DLG1: variants seen among roughly 807,000 people sequenced by gnomAD.
DLG1 encodes the protein discs large MAGUK scaffold protein 1.
Under a neutral mutation model 123.4 loss-of-function variants are expected in DLG1, and 42 were observed. The ratio of observed to expected loss-of-function variants is 0.34; its 90% CI spans 0.27 to 0.44. The LOEUF (loss-of-function observed/expected upper bound fraction) is 0.44. Among genes scored for constraint, DLG1 ranks in the 20% least tolerant of loss-of-function variants. The pLI is 1.00. For synonymous variants in DLG1, 317 were observed against 356.2 expected (o/e 0.89, Z 1.24); for missense variants, 942 against 1,082.6 (o/e 0.87, Z 1.82).
At chr3:197,178,981 G>A (rs1808626876) in intron 5 of DLG1, among the ~76,000 whole-genome samples, 1 of 152,180 alleles carries the variant, frequency 6.6e-6, no homozygotes, top group African/African-American at 2.4e-5. Flanking sequence ...GATTTCAGAA[G>A]TTCTTGAACA....
At chr3:197,162,444 A>G (rs1799178775) in intron 5 of DLG1, among the ~76,000 whole-genome samples, 1 of 152,180 alleles carries the variant, frequency 6.6e-6, no homozygotes, top group Non-Finnish European at 1.5e-5. Context: ...TATATGTAAG[A>G]AAAACACTAA....
chr3:197,259,737 A>C (rs1009918178), intron 4 of DLG1, among the ~76,000 whole-genome samples: 4 of 152,176 alleles, frequency 2.6e-5, no homozygotes, highest in African/African-American at 9.7e-5. Context: ...CAGACTTCAA[A>C]ACAAGTACTT....
rs115026050 is a variant in DLG1 at position 197,058,836 on chromosome 3, T to A, written c.2483+1053A>T. On this transcript the variant is annotated intron_variant, in intron 23 of 24. Coordinates refer to ENST00000667157, the MANE Select transcript of DLG1 (RefSeq NM_001366207.1). ...TTTCGCCCCTATGCAGCTGTCAATT[T>A]TTATTTTTTGTTTTGAGAATGCTAT... 6.3e-3 allele frequency among the ~76,000 whole-genome samples: 965 copies of A among 152,352 alleles called. 6 individuals are homozygous for A. The highest frequency in any genetic ancestry group is 0.022 in the African/African-American group (901 of 41,580).
intron 13 of DLG1, among the ~76,000 whole-genome samples, chr3:197,105,323 T>G (rs146224390): frequency 1.3e-5 from 2 of 152,270 alleles, no homozygotes; most frequent in East Asian, 3.9e-4. Flanking sequence ...AGTGGCATCA[T>G]TTTGCACACT....
intron 8 of DLG1, among the ~76,000 whole-genome samples, chr3:197,139,223 G>A (rs1786680574): frequency 1.3e-5 from 2 of 152,126 alleles, no homozygotes; most frequent in South Asian, 2.1e-4. Context: ...ATTGGGTAGA[G>A]AGGGTAAACA....
chr3:197,266,528 G>A (rs111437854), intron 4 of DLG1, among the ~76,000 whole-genome samples: 149 of 152,140 alleles, frequency 9.8e-4, no homozygotes, highest in Non-Finnish European at 1.8e-3. Flanking sequence ...CAGCAGGACT[G>A]CTTGAAGCCA....
chr3:197,158,858 C>A (rs1016456579), intron 5 of DLG1, among the ~76,000 whole-genome samples: 13 of 152,092 alleles, frequency 8.5e-5, no homozygotes, highest in Non-Finnish European at 1.6e-4. Flanking sequence ...GCTCTTAAAG[C>A]ATTTTCAACA....
intron 18 of DLG1, 127 bp from the exon 19 acceptor site, chr3:197,069,387 C>A: frequency 1.9e-6 from 1 of 523,664 alleles, no homozygotes; most frequent in Non-Finnish European, 3.2e-6. Flanking sequence ...TTTTCTTTTT[C>A]TTTGAAACGT....
intron 4 of DLG1, among the ~76,000 whole-genome samples, chr3:197,206,931 C>G (rs1728839765): frequency 6.6e-6 from 1 of 152,170 alleles, no homozygotes. Context: ...ATATCGATTG[C>G]TTTCATTTAA....
chr3:197,177,857 G>T (rs994705474), intron 5 of DLG1, among the ~76,000 whole-genome samples: 7 of 152,044 alleles, frequency 4.6e-5, no homozygotes, highest in African/African-American at 1.7e-4. Context: ...ATCAGTTAGA[G>T]AACTATTACA....
chr3:197,152,178 G>T (rs1459060575), intron 5 of DLG1, among the ~76,000 whole-genome samples: 1 of 152,128 alleles, frequency 6.6e-6, no homozygotes, highest in East Asian at 1.9e-4. Context: ...TGGAGAAAAT[G>T]AATTTTAATA....
At chr3:197,161,560 A>C in intron 5 of DLG1, 1 of 872,664 alleles carries the variant, frequency 1.1e-6, no homozygotes, top group East Asian at 3.2e-5. Context: ...AAAACAGCTC[A>C]AACAGTTTTA....
chr3:197,123,873 A>G (rs1196444300), intron 11 of DLG1, among the ~76,000 whole-genome samples: 1 of 152,254 alleles, frequency 6.6e-6, no homozygotes, highest in Non-Finnish European at 1.5e-5. Context: ...AATAATACAT[A>G]GCAGTTTTAA....
chr3:197,251,044 C>G (rs1473311627), intron 4 of DLG1, among the ~76,000 whole-genome samples: 2 of 149,556 alleles, frequency 1.3e-5, no homozygotes, highest in African/African-American at 4.9e-5. Flanking sequence ...ATTCCATGCT[C>G]ATGAAGTGGA....
chr3:197,086,508 T>C (rs551814108), intron 15 of DLG1, among the ~76,000 whole-genome samples: 3 of 152,210 alleles, frequency 2.0e-5, no homozygotes, highest in Non-Finnish European at 2.9e-5. Flanking sequence ...ATATAATTTA[T>C]TCATTCTTTT....
intron 14 of DLG1, among the ~76,000 whole-genome samples, 191 bp downstream of exon 14, chr3:197,104,712 C>A (rs1812982): frequency 0.4 from 60,531 of 151,498 alleles, 12,591 homozygotes; most frequent in East Asian, 0.74. Context: ...CCAAAAAAAA[C>A]CAAAAAAACA....
At chr3:197,234,007 G>A (rs1240051106) in intron 4 of DLG1, among the ~76,000 whole-genome samples, 1 of 152,200 alleles carries the variant, frequency 6.6e-6, no homozygotes, top group African/African-American at 2.4e-5. Context: ...AGCATCTTAG[G>A]TGGAAGTCCC....
At chr3:197,070,553 G>A (rs2148937041) in intron 18 of DLG1, 1 of 90,704 alleles carries the variant, frequency 1.1e-5, no homozygotes, top group South Asian at 3.6e-4. Context: ...ACCACACCCA[G>A]CTGGAAATTT....
chr3:197,170,709 C>T (rs972121323), intron 5 of DLG1, among the ~76,000 whole-genome samples: 1 of 152,166 alleles, frequency 6.6e-6, no homozygotes, highest in African/African-American at 2.4e-5. Flanking sequence ...CTGTTGACAG[C>T]TTCCTTTGCT....
Sources: allele counts gnomAD v4.1 joint callset (sites outside exome capture counted in the v4.1 genomes callset), GRCh38; gene constraint gnomAD v4.1.1; transcripts MANE v1.5; gene names NCBI Gene and HGNC (gene_info 2026-07-23, HGNC 2026-07-21).